Variants in ADGRE1 observed in about 807,000 individuals in gnomAD.
ADGRE1 encodes adhesion G protein-coupled receptor E1.
Under a neutral mutation model 102.7 loss-of-function variants are expected in ADGRE1, and 82 were observed. That is an observed-to-expected ratio of 0.80 (90% confidence interval 0.67 to 0.96). The LOEUF (loss-of-function observed/expected upper bound fraction) is 0.96. Ranked by LOEUF, ADGRE1 falls within the 40% of genes least tolerant of loss-of-function variation. The pLI, the probability that ADGRE1 is intolerant of heterozygous loss-of-function variation, is 0.00. For synonymous variants in ADGRE1, 398 were observed against 399.6 expected (o/e 1.00, Z 0.05); for missense variants, 1,032 against 1,085.3 (o/e 0.95, Z 0.69).
In ADGRE1 at chr19:6,908,101, G is replaced by A. The variant is rs112318416; in HGVS notation, c.1039-588G>A. ...AAGGAACACCTGCCCAGCCCAGGGC[G>A]GAAAAATCGCTTAAAGGCGTTCTTA... On this transcript the variant is annotated intron_variant, in intron 9 of 20. Transcript: ENST00000312053. 5.3e-3 allele frequency among the ~76,000 whole-genome samples: 804 copies of A among 152,338 alleles called. 6 individuals carry two copies. Among genetic ancestry groups the A allele is most frequent in the Non-Finnish European group, 9.6e-3 (652 of 68,022 alleles).
chr19:6,939,352 C>T (rs937524461), intron 20 of ADGRE1, among the ~76,000 whole-genome samples: 1 of 152,056 alleles, frequency 6.6e-6, no homozygotes, highest in African/African-American at 2.4e-5. Flanking sequence ...CATACAGATC[C>T]CAGTGAGTCA....
intron 18 of ADGRE1, among the ~76,000 whole-genome samples, chr19:6,935,769 G>A (rs1262523885): frequency 2.0e-5 from 3 of 152,280 alleles, no homozygotes; most frequent in Non-Finnish European, 2.9e-5. Flanking sequence ...GGACTGTAAT[G>A]CTTTTAGAAT....
intron 10 of ADGRE1, 103 bp from the exon 11 acceptor site, chr19:6,913,550 C>T: frequency 8.7e-7 from 1 of 1,151,086 alleles, no homozygotes; most frequent in Non-Finnish European, 1.2e-6. Flanking sequence ...TTTTAATTCT[C>T]CTTTGGATGG....
chr19:6,933,216 C>T (rs545471303), intron 17 of ADGRE1, among the ~76,000 whole-genome samples: 1 of 152,202 alleles, frequency 6.6e-6, no homozygotes, highest in East Asian at 1.9e-4. Context: ...AGCGAGACTC[C>T]GTCTCAATAA....
chr19:6,919,610 T>G lies in ADGRE1; in HGVS notation c.1483T>G (p.Phe495Val). 1 of 1,613,588 alleles carries G rather than the reference T, an allele frequency of 6.2e-7. No homozygotes were observed. The highest frequency in any genetic ancestry group is 8.5e-7 in the Non-Finnish European group (1 of 1,179,936). ...GGAATCGGTTTTAAATGAGCGCTTCTTCAAAGACCACCAGGCTCCCTTGAC... is the reference window on the plus strand; with the variant it reads ...GGAATCGGTTTTAAATGAGCGCTTCGTCAAAGACCACCAGGCTCCCTTGAC... ...GMESVLNERF[F>V]KDHQAPLTTS... is the part of the protein sequence containing the mutation. The change falls in exon 13 of 21, where the codon TTC becomes GTC. Residue 495 changes from phenylalanine (F) to valine (V), a missense_variant. Physicochemically the swap from Phe to Val is conservative, Grantham distance 50 (BLOSUM62 -1). Transcript: ENST00000312053.
Position 6,935,004 on chromosome 19 carries a change from G to A in ADGRE1, c.2307G>A (p.Leu769=). 6.3e-7 allele frequency: 1 copy of A among 1,592,246 alleles called. No individual in the cohort carries two copies. The highest frequency in any genetic ancestry group is 8.6e-7 in the Non-Finnish European group (1 of 1,168,596). The change falls in exon 18 of 21, where the codon CTG becomes CTA. Residue 769 remains leucine, a synonymous_variant. Coordinates refer to ENST00000312053, the MANE Select transcript of ADGRE1 (RefSeq NM_001974.5). The stretch of plus-strand genomic sequence containing the variant: ...CTTTGCAGATCAACTCCCTTCTCCT[G>A]ACCTGGACCTTGTGGATCCTGAGGC... ...CTVIVINSLL[L]TWTLWILRQR... is the part of the protein sequence containing the mutation.
chr19:6,918,856 C>T (rs1428028663), intron 12 of ADGRE1, among the ~76,000 whole-genome samples: 1 of 151,970 alleles, frequency 6.6e-6, no homozygotes, highest in Non-Finnish European at 1.5e-5. Flanking sequence ...TCCCGAGTAG[C>T]TGGGACTACA....
At chr19:6,903,380 G>A (rs1973837687) in intron 6 of ADGRE1, among the ~76,000 whole-genome samples, 1 of 152,128 alleles carries the variant, frequency 6.6e-6, no homozygotes, top group Non-Finnish European at 1.5e-5. Flanking sequence ...CCTGTTTCCT[G>A]CCTCATTACT....
intron 17 of ADGRE1, among the ~76,000 whole-genome samples, chr19:6,931,313 G>A (rs937201717): frequency 6.6e-6 from 1 of 151,988 alleles, no homozygotes; most frequent in Non-Finnish European, 1.5e-5. Context: ...TTTTAATGGG[G>A]GGCATGTATT....
In ADGRE1 at chr19:6,913,963, G is replaced by A. The variant is rs1787666966; in HGVS notation, c.1300+133G>A. 4.9e-6 allele frequency: 5 copies of A among 1,021,124 alleles called. No homozygotes were observed. The East Asian group carries it at 7.6e-5, about 16-fold the overall frequency. 63.3% of individuals were successfully genotyped at this position (1,021,124 alleles called of 1,614,324 possible). On this transcript the variant is annotated intron_variant, in intron 11 of 20. Coordinates refer to ENST00000312053, the MANE Select transcript of ADGRE1 (RefSeq NM_001974.5). The stretch of plus-strand genomic sequence containing the variant: ...TTAAAAACTTTGAATTCACAGCAAA[G>A]CAAGTCTAATCATATTAACAACATT...
At chr19:6,910,604 C>T (rs1974140161) in intron 10 of ADGRE1, among the ~76,000 whole-genome samples, 1 of 108,324 alleles carries the variant, frequency 9.2e-6, no homozygotes, top group African/African-American at 3.3e-5. Context: ...TGGAGTCTTG[C>T]TCTGTTGCCC....
Position 6,910,633 on chromosome 19 carries a change from G to A in ADGRE1, c.1122+1861G>A, listed in dbSNP as rs60129214. ...GTTGCCCAGGCTGCAGTGCAATGGCGCAATATTGACTCACTGCAAGCTCCG... is the reference window on the plus strand; with the variant it reads ...GTTGCCCAGGCTGCAGTGCAATGGCACAATATTGACTCACTGCAAGCTCCG... On this transcript the variant is annotated intron_variant, in intron 10 of 20. Coordinates refer to ENST00000312053, the MANE Select transcript of ADGRE1 (RefSeq NM_001974.5). Among the ~76,000 whole-genome samples the A allele has an allele frequency of 2.1e-3, 310 of 146,336 alleles. 1 individual carries two copies. The highest frequency in any genetic ancestry group is 7.4e-3 in the African/African-American group (293 of 39,390).
At chr19:6,899,146 C>T (rs918658899) in intron 5 of ADGRE1, among the ~76,000 whole-genome samples, 5 of 152,094 alleles carry the variant, frequency 3.3e-5, no homozygotes, top group Admixed American at 2.6e-4. Flanking sequence ...ATAAGTCAAA[C>T]AATGGTATCA....
chr19:6,919,017 G>T (rs1974517032), intron 12 of ADGRE1, among the ~76,000 whole-genome samples: 1 of 151,530 alleles, frequency 6.6e-6, no homozygotes, highest in South Asian at 2.1e-4. Context: ...GAGCCACTCT[G>T]CCCAGCTGTG....
intron 13 of ADGRE1, among the ~76,000 whole-genome samples, chr19:6,920,093 G>A (rs1002017838): frequency 6.6e-6 from 1 of 152,164 alleles, no homozygotes; most frequent in African/African-American, 2.4e-5. Context: ...TTTTATAGTC[G>A]GTGGGTAATG....
chr19:6,934,228 T>A (rs2145030098), intron 17 of ADGRE1, among the ~76,000 whole-genome samples: 1 of 152,138 alleles, frequency 6.6e-6, no homozygotes, highest in Non-Finnish European at 1.5e-5. Context: ...GAGCGGGGTA[T>A]CCTGTGTGAT....
intron 17 of ADGRE1, among the ~76,000 whole-genome samples, chr19:6,931,671 G>A (rs912198372): frequency 6.6e-6 from 1 of 151,848 alleles, no homozygotes; most frequent in African/African-American, 2.4e-5. Context: ...GTGGTGGCAG[G>A]CACCAATAGT....
At position 6,908,662 on chromosome 19, in the gene ADGRE1, C is replaced by CTT; in HGVS notation, c.1039-26_1039-25insTT. 5 of 1,209,216 alleles carry CTT rather than the reference C, an allele frequency of 4.1e-6. No homozygotes were observed. The Admixed American group carries it at 7.7e-5, about 19-fold the overall frequency. The allele number at this position is 1,209,216 out of a possible 1,614,324, so 74.9% of individuals were successfully genotyped here. On this transcript the variant is annotated intron_variant, in intron 9 of 20. Transcript: ENST00000312053. ...ATACATCGATTCATGCTCACAAATG[C>CTT]TCTTTTTTTTTTTTTCTGGGACGCA...
Position 6,903,897 on chromosome 19 carries a change from T to C in ADGRE1, c.749T>C (p.Phe250Ser). The change falls in exon 7 of 21, where the codon TTT becomes TCT. Residue 250 changes from phenylalanine (F) to serine (S), a missense_variant. By Grantham distance (155) the Phe-to-Ser change is radical. Coordinates refer to ENST00000312053, the MANE Select transcript of ADGRE1 (RefSeq NM_001974.5). ...GSYFCTCHPG[F>S]APSNGQLNFT... The stretch of plus-strand genomic sequence containing the variant: ...TACTTTTGCACCTGCCACCCTGGCT[T>C]TGCACCAAGCAATGGACAGTTGAAT... 4 of 1,614,192 alleles carry C rather than the reference T, an allele frequency of 2.5e-6. No homozygotes were observed. Among genetic ancestry groups the C allele is most frequent in the Non-Finnish European group, 3.4e-6 (4 of 1,180,036 alleles).
Sources: gnomAD v4.1 joint callset for allele counts (sites outside exome capture counted in the v4.1 genomes callset) on GRCh38, gnomAD v4.1.1 for gene constraint, MANE v1.5 for transcripts, NCBI Gene and HGNC (gene_info 2026-07-23, HGNC 2026-07-21) for gene names.